PRR29: variants seen among roughly 807,000 people sequenced by gnomAD.
PRR29 encodes the protein proline-rich protein 29.
PRR29 carries 20 observed loss-of-function variants against 25.1 expected under a neutral mutation model. That is an observed-to-expected ratio of 0.80 (90% CI 0.56 to 1.16). PRR29 has a LOEUF of 1.16. Among genes scored for constraint, PRR29 ranks in the 50% most tolerant of loss-of-function variants. The pLI, the probability that PRR29 is intolerant of heterozygous loss-of-function variation, is 0.00. For missense variants in PRR29, 238 were observed against 246.6 expected (o/e 0.97, Z 0.23); for synonymous variants, 108 against 102.6 (o/e 1.05, Z -0.32).
At position 63,998,405 on chromosome 17, in the gene PRR29, C is replaced by T. The variant is rs571777505; in HGVS notation, c.41C>T (p.Pro14Leu). Residue 14 changes from proline (P) to leucine (L), a missense_variant, in exon 1 of 6, where the codon CCG becomes CTG. Pro to Leu is a moderately conservative substitution (Grantham distance 98, BLOSUM62 -3). Transcript: ENST00000412177. Reference protein sequence around the residue: ...GAGGSWGRSPPQSAVPTPWVT... With the variant: ...GAGGSWGRSPLQSAVPTPWVT... ...GGCGGAAGCTGGGGTCGCTCCCCACCGCAGAGCGCAGTCCCGACGGTGAGG... is the reference window on the plus strand; with the variant it reads ...GGCGGAAGCTGGGGTCGCTCCCCACTGCAGAGCGCAGTCCCGACGGTGAGG... 9.3e-6 allele frequency: 14 copies of T among 1,507,866 alleles called. No individual in the cohort carries two copies. The highest frequency in any genetic ancestry group is 1.1e-5 in the Non-Finnish European group (13 of 1,133,134). 93.4% of individuals were successfully genotyped at this position (1,507,866 alleles called of 1,614,324 possible).
Position 64,001,076 on chromosome 17 carries a change from A to G in PRR29, c.244-8A>G, listed in dbSNP as rs1351253457. Reference sequence around the variant, plus strand: ...TCATTTCCCCTCCCTGTTTTGCACAATCCCCAGGTCTACCTGGAGGTTCCA... The same window carrying G: ...TCATTTCCCCTCCCTGTTTTGCACAGTCCCCAGGTCTACCTGGAGGTTCCA... On this transcript the variant is annotated splice_polypyrimidine_tract_variant and splice_region_variant and intron_variant, in intron 3 of 5. Coordinates refer to ENST00000412177, the MANE Select transcript of PRR29 (RefSeq NM_001164257.2). 2 of 1,536,376 alleles carry G rather than the reference A, an allele frequency of 1.3e-6. No homozygotes were observed. The highest frequency in any genetic ancestry group is 2.0e-5 in the Admixed American group (1 of 50,972).
At position 64,001,443 on chromosome 17, in the gene PRR29, G is replaced by T. The variant is rs1048814571; in HGVS notation, c.471-24G>T. ...GGCCACCCCTGGGCCTCTGATGGGG[G>T]TCTTTTTCTTTCCCCCATCTCAGGA... On this transcript the variant is annotated intron_variant, in intron 4 of 5. Coordinates refer to ENST00000412177, the MANE Select transcript of PRR29 (RefSeq NM_001164257.2). 9.3e-6 allele frequency: 14 copies of T among 1,499,064 alleles called. No individual in the cohort carries two copies. In the Admixed American group the frequency reaches 1.1e-4, roughly 12 times the overall value. The allele number at this position is 1,499,064 out of a possible 1,614,324, so 92.9% of individuals were successfully genotyped here.
Position 64,002,730 on chromosome 17 carries a change from C to A in PRR29, c.*969C>A. On this transcript the variant is annotated 3_prime_UTR_variant, in exon 6 of 6. Coordinates refer to ENST00000412177, the MANE Select transcript of PRR29 (RefSeq NM_001164257.2). ...TTCCAGTGACCACCGTGGTGGTGGC[C>A]ATGCCACTCATGGTTGCTATGGCCG... 1.9e-6 allele frequency: 3 copies of A among 1,606,784 alleles called. No homozygotes were observed. The highest frequency in any genetic ancestry group is 2.5e-6 in the Non-Finnish European group (3 of 1,177,544).
In PRR29 at chr17:64,002,700, C is replaced by G. The variant is rs1234163802; in HGVS notation, c.*939C>G. Reference sequence around the variant, plus strand: ...TGGACCTCAACCCTGAGGAGTCACACTGAGTTCCAGTGACCACCGTGGTGG... The same window carrying G: ...TGGACCTCAACCCTGAGGAGTCACAGTGAGTTCCAGTGACCACCGTGGTGG... On this transcript the variant is annotated 3_prime_UTR_variant, in exon 6 of 6. Transcript: ENST00000412177. The G allele has an allele frequency of 4.5e-6, 7 of 1,561,432 alleles. No individual in the cohort carries two copies. Among genetic ancestry groups the G allele is most frequent in the Non-Finnish European group, 6.1e-6 (7 of 1,144,774 alleles).
At position 63,998,797 on chromosome 17, in the gene PRR29, T is replaced by TGCCCCCCCCCCC; in HGVS notation, c.136+15_136+16insGCCCCCCCCCCC. Reference sequence around the variant, plus strand: ...CGTGAAGGAAGGTGAGACTCCCGGGTCCCCCCACCCCACCCCCACCATCAC... The same window carrying TGCCCCCCCCCCC: ...CGTGAAGGAAGGTGAGACTCCCGGGTGCCCCCCCCCCCCCCCCCACCCCACCCCCACCATCAC... On this transcript the variant is annotated intron_variant, in intron 2 of 5. Coordinates refer to ENST00000412177, the MANE Select transcript of PRR29 (RefSeq NM_001164257.2). 6 of 1,062,600 alleles carry TGCCCCCCCCCCC rather than the reference T, an allele frequency of 5.6e-6. No individual in the cohort carries two copies. The highest frequency in any genetic ancestry group is 6.6e-6 in the Non-Finnish European group (5 of 761,700). 65.8% of individuals were successfully genotyped at this position (1,062,600 alleles called of 1,614,324 possible).
At chr17:63,998,940 C>G in intron 2 of PRR29, 28 bp from the exon 3 acceptor site, 1 of 1,530,708 alleles carries the variant, frequency 6.5e-7, no homozygotes. Context: ...GGAGGCCCGG[C>G]GTGGGCTTGC....
chr17:63,998,803 C>A, intron 2 of PRR29, 21 bp downstream of exon 2: 1 of 1,200,388 alleles, frequency 8.3e-7, no homozygotes, highest in Non-Finnish European at 1.2e-6. Flanking sequence ...CGGGTCCCCC[C>A]ACCCCACCCC....
chr17:64,003,539 G>T lies in PRR29; in HGVS notation c.*1778G>T. The T allele has an allele frequency of 1.0e-6, 1 of 997,812 alleles. No homozygotes were observed. The highest frequency in any genetic ancestry group is 1.5e-6 in the Non-Finnish European group (1 of 655,278). The allele number at this position is 997,812 out of a possible 1,614,324, so 61.8% of individuals were successfully genotyped here. A position where few individuals can be genotyped will look rare whatever the true frequency, so the allele number is the denominator to read the frequency against. On this transcript the variant is annotated 3_prime_UTR_variant, in exon 6 of 6. Coordinates refer to ENST00000412177, the MANE Select transcript of PRR29 (RefSeq NM_001164257.2). ...AGAGGGAAGCCTCAGGATGAAGGGT[G>T]GGCTCCTGGGTGTTTGCTTCCCAAG...
At chr17:63,998,500 C>A in intron 1 of PRR29, 76 bp downstream of exon 1, 1 of 1,406,452 alleles carries the variant, frequency 7.1e-7, no homozygotes, top group Non-Finnish European at 9.4e-7. Context: ...CTGGAGGGGC[C>A]AGATCCTGGA....
chr17:64,003,113 AG>A lies in PRR29; in HGVS notation c.*1354del. 1 of 576,356 alleles carries A rather than the reference AG, an allele frequency of 1.7e-6. No homozygotes were observed. Among genetic ancestry groups the A allele is most frequent in the Non-Finnish European group, 3.1e-6 (1 of 325,756 alleles). 35.7% of individuals were successfully genotyped at this position (576,356 alleles called of 1,614,324 possible). ...GCATTAAAATTATTATCTGGAAAAA[AG>A]GTGGCCCAGGGCTCAGGCTACCAGC... On this transcript the variant is annotated 3_prime_UTR_variant, in exon 6 of 6. Transcript: ENST00000412177.
chr17:63,998,632 G>T lies in PRR29; in HGVS notation c.61-75G>T, dbSNP rs1043760372. On this transcript the variant is annotated intron_variant, in intron 1 of 5. Coordinates refer to ENST00000412177, the MANE Select transcript of PRR29 (RefSeq NM_001164257.2). ...TGCGGGGTTAGGGAGGCCACTGGCC[G>T]GGGGGGTTGGGGCTCGCGACGTGTC... 13 of 1,003,892 alleles carry T rather than the reference G, an allele frequency of 1.3e-5. No individual in the cohort carries two copies. In the African/African-American group the frequency reaches 2.5e-4, roughly 19 times the overall value. 62.2% of individuals were successfully genotyped at this position (1,003,892 alleles called of 1,614,324 possible). A position where few individuals can be genotyped will look rare whatever the true frequency, so the allele number is the denominator to read the frequency against.
In PRR29 at chr17:63,999,078, C is replaced by T. The variant is rs775737960; in HGVS notation, c.243+4C>T. Reference sequence around the variant, plus strand: ...GCCTGCCTCGCCCTGCCCTCAGGTGCGTGTGGGTGGGCCGCCGGGGTCGCT... The same window carrying T: ...GCCTGCCTCGCCCTGCCCTCAGGTGTGTGTGGGTGGGCCGCCGGGGTCGCT... On this transcript the variant is annotated splice_donor_region_variant and intron_variant, in intron 3 of 5. Coordinates refer to ENST00000412177, the MANE Select transcript of PRR29 (RefSeq NM_001164257.2). The T allele has an allele frequency of 6.5e-6, 10 of 1,533,936 alleles. No homozygotes were observed. Among genetic ancestry groups the T allele is most frequent in the Non-Finnish European group, 8.7e-6 (10 of 1,145,372 alleles).
intron 3 of PRR29, among the ~76,000 whole-genome samples, chr17:64,000,281 G>C (rs1226563997): frequency 6.6e-6 from 1 of 152,170 alleles, no homozygotes; most frequent in Non-Finnish European, 1.5e-5. Context: ...TTTGTTGTCC[G>C]CATGTAGTAA....
In PRR29 at chr17:63,998,957, C is replaced by T; in HGVS notation, c.137-11C>T. 17 of 1,536,162 alleles carry T rather than the reference C, an allele frequency of 1.1e-5. No homozygotes were observed. Among genetic ancestry groups the T allele is most frequent in the Non-Finnish European group, 1.2e-5 (14 of 1,146,706 alleles). On this transcript the variant is annotated splice_polypyrimidine_tract_variant and intron_variant, in intron 2 of 5. Transcript: ENST00000412177. ...AGGCCCGGCGTGGGCTTGCTGAACCCCGCTTCCTAGACCTGCTGGAACTGA... is the reference window on the plus strand; with the variant it reads ...AGGCCCGGCGTGGGCTTGCTGAACCTCGCTTCCTAGACCTGCTGGAACTGA...
In PRR29 at chr17:64,003,763, C is replaced by A. The variant is rs926197957; in HGVS notation, c.*2002C>A. On this transcript the variant is annotated 3_prime_UTR_variant, in exon 6 of 6. Coordinates refer to ENST00000412177, the MANE Select transcript of PRR29 (RefSeq NM_001164257.2). ...GTGGCCATCCTCTCTGTCAGCCGTG[C>A]TGTTGAATGTGGCTGTGGCCTCCTG... 6.2e-7 allele frequency: 1 copy of A among 1,614,246 alleles called. No homozygotes were observed. Among genetic ancestry groups the A allele is most frequent in the Non-Finnish European group, 8.5e-7 (1 of 1,180,042 alleles).
At chr17:63,999,266 C>T in intron 3 of PRR29, 192 bp downstream of exon 3, 1 of 598,686 alleles carries the variant, frequency 1.7e-6, no homozygotes, top group Non-Finnish European at 3.0e-6. Context: ...GAAGAGACCC[C>T]CCAAAGTCCA....
chr17:64,003,666 G>A lies in PRR29; in HGVS notation c.*1905G>A, dbSNP rs748268418. The A allele has an allele frequency of 6.2e-7, 1 of 1,613,998 alleles. No individual in the cohort carries two copies. The stretch of plus-strand genomic sequence containing the variant: ...CACCATAGATCTCCAACATCTTCGG[G>A]GCTGAGTGTTTGTGAAAGATGTTGC... On this transcript the variant is annotated 3_prime_UTR_variant, in exon 6 of 6. Coordinates refer to ENST00000412177, the MANE Select transcript of PRR29 (RefSeq NM_001164257.2).
In PRR29 at chr17:64,002,706, T is replaced by C; in HGVS notation, c.*945T>C. 1 of 1,577,734 alleles carries C rather than the reference T, an allele frequency of 6.3e-7. No homozygotes were observed. Among genetic ancestry groups the C allele is most frequent in the Non-Finnish European group, 8.6e-7 (1 of 1,156,890 alleles). On this transcript the variant is annotated 3_prime_UTR_variant, in exon 6 of 6. Transcript: ENST00000412177. ...TCAACCCTGAGGAGTCACACTGAGTTCCAGTGACCACCGTGGTGGTGGCCA... is the reference window on the plus strand; with the variant it reads ...TCAACCCTGAGGAGTCACACTGAGTCCCAGTGACCACCGTGGTGGTGGCCA...
rs1338144572 is a variant in PRR29 at position 63,998,982 on chromosome 17, A to G, written c.151A>G (p.Met51Val). 1 of 1,536,212 alleles carries G rather than the reference A, an allele frequency of 6.5e-7. No individual in the cohort carries two copies. The highest frequency in any genetic ancestry group is 2.0e-5 in the Admixed American group (1 of 50,992). Residue 51 changes from methionine to valine, a missense_variant, in exon 3 of 6, where the codon ATG becomes GTG. Coordinates refer to ENST00000412177, the MANE Select transcript of PRR29 (RefSeq NM_001164257.2). ...CCGCTTCCTAGACCTGCTGGAACTGATGATGCTGCAGAACGCGCAGATGCA... is the reference window on the plus strand; with the variant it reads ...CCGCTTCCTAGACCTGCTGGAACTGGTGATGCTGCAGAACGCGCAGATGCA... ...GRVKEDLLEL[M>V]MLQNAQMHQL...
Sources: allele counts gnomAD v4.1 joint callset (sites outside exome capture counted in the v4.1 genomes callset), GRCh38; gene constraint gnomAD v4.1.1; transcripts MANE v1.5; gene names NCBI Gene and HGNC (gene_info 2026-07-23, HGNC 2026-07-21).